The following SERINC2 variants were observed in gnomAD, a reference collection of about 807,000 sequenced individuals.
The protein encoded by SERINC2 is tumor differentially expressed protein 2.
SERINC2 carries 56 observed loss-of-function variants against 54.2 expected under a neutral mutation model. That is an observed-to-expected ratio of 1.03 (90% CI 0.83 to 1.29). SERINC2 has a LOEUF of 1.29. Ranked by LOEUF, SERINC2 falls within the 50% of genes most tolerant of loss-of-function variation. The pLI, the probability that SERINC2 is intolerant of heterozygous loss-of-function variation, is 0.00. For missense variants in SERINC2, 614 were observed against 607.4 expected, an observed-to-expected ratio of 1.01 and a Z score of -0.12; for synonymous variants, 272 against 253.1, an observed-to-expected ratio of 1.07 and a Z score of -0.71.
Position 31,429,463 on chromosome 1 carries a change from GC to G in SERINC2, c.939del (p.Tyr314MetfsTer34), listed in dbSNP as rs1557497701. On this transcript the variant is annotated frameshift_variant, in exon 8 of 10. Transcript: ENST00000373709. LOFTEE classifies it high-confidence loss of function. ...GAGACAGTTGTGGCAGGCCCCGAGG[GC>G]TATGAGACCCAGTGGTGGGATGCCC... The part of the protein sequence containing the change: ...GNETVVAGPE[G>X]YETQWWDAPS... 1 of 1,613,856 alleles carries G rather than the reference GC, an allele frequency of 6.2e-7. No homozygotes were observed.
intron 6 of SERINC2, among the ~76,000 whole-genome samples, chr1:31,428,683 G>A (rs191599636): frequency 8.7e-4 from 132 of 152,314 alleles, no homozygotes; most frequent in African/African-American, 3.1e-3. Flanking sequence ...AGAGCAGGGA[G>A]GAGGGGGACA....
chr1:31,433,141 G>A lies in SERINC2; in HGVS notation c.1188G>A (p.Val396=). The change falls in exon 9 of 10, where the codon GTG becomes GTA. Residue 396 remains valine, a synonymous_variant. Coordinates refer to ENST00000373709, the MANE Select transcript of SERINC2 (RefSeq NM_178865.5). ...ACTCCTTCTTCCACTTCTGCCTGGT[G>A]CTGGCCTCACTGCACGTCATGATGA... ...YSYSFFHFCL[V]LASLHVMMTL... 2 of 1,613,778 alleles carry A rather than the reference G, an allele frequency of 1.2e-6. No homozygotes were observed. The highest frequency in any genetic ancestry group is 2.2e-5 in the South Asian group (2 of 91,088).
chr1:31,433,042 A>ACAGCAG lies in SERINC2; in HGVS notation c.1099_1104dup (p.Gln367_Gln368dup), dbSNP rs3050461. 52 of 1,457,180 alleles carry ACAGCAG rather than the reference A, an allele frequency of 3.6e-5. No homozygotes were observed. Among genetic ancestry groups the ACAGCAG allele is most frequent in the South Asian group, 4.7e-5 (4 of 85,852 alleles). The allele number at this position is 1,457,180 out of a possible 1,614,324, so 90.3% of individuals were successfully genotyped here. A position where few individuals can be genotyped will look rare whatever the true frequency, so the allele number is the denominator to read the frequency against. On this transcript the variant is annotated inframe_insertion, in exon 9 of 10. Transcript: ENST00000373709. Reference sequence around the variant, plus strand: ...AGTGCCCACCTATGCTAGACGCCACACAGCAGCAGCAGCAGGTGGCAGCCT... The same window carrying ACAGCAG: ...AGTGCCCACCTATGCTAGACGCCACACAGCAGCAGCAGCAGCAGCAGGTGGCAGCCT...
chr1:31,413,834 G>T lies in SERINC2; in HGVS notation c.39+530G>T. The T allele has an allele frequency of 7.1e-7, 1 of 1,409,240 alleles. No individual in the cohort carries two copies. Among genetic ancestry groups the T allele is most frequent in the Non-Finnish European group, 9.2e-7 (1 of 1,088,102 alleles). The allele number at this position is 1,409,240 out of a possible 1,614,324, so 87.3% of individuals were successfully genotyped here. ...GTTCGTATTTGTCTGGTTCCTGTCT[G>T]TGTCCGTCGTTCGTCCGACTGTCTT... On this transcript the variant is annotated intron_variant, in intron 1 of 9. Coordinates refer to ENST00000373709, the MANE Select transcript of SERINC2 (RefSeq NM_178865.5). This position sits in a 1 kb window ranked among gnomAD's most constrained non-coding sequence, Gnocchi z 5.0.
chr1:31,434,156 C>G lies in SERINC2; in HGVS notation c.1325C>G (p.Thr442Ser). 1 of 1,613,834 alleles carries G rather than the reference C, an allele frequency of 6.2e-7. No individual in the cohort carries two copies. The highest frequency in any genetic ancestry group is 2.2e-5 in the East Asian group (1 of 44,880). Residue 442 changes from threonine to serine, a missense_variant, in exon 10 of 10, where the codon ACC (threonine) becomes AGC (serine). Physicochemically the swap from Thr to Ser is moderately conservative, Grantham distance 58 (BLOSUM62 1). Coordinates refer to ENST00000373709, the MANE Select transcript of SERINC2 (RefSeq NM_178865.5). ...GCAGGGCTGCTCCTCTACCTGTGGACCCTGGTAGCCCCACTCCTCCTGCGC... is the reference window on the plus strand; with the variant it reads ...GCAGGGCTGCTCCTCTACCTGTGGAGCCTGGTAGCCCCACTCCTCCTGCGC... ...SWAGLLLYLW[T>S]LVAPLLLRNR...
At position 31,425,515 on chromosome 1, in the gene SERINC2, G is replaced by T. The variant is rs547400922; in HGVS notation, c.472+106G>T. On this transcript the variant is annotated intron_variant, in intron 4 of 9. Transcript: ENST00000373709. ...TCTTTGCTGGGGCACACAGACCCCT[G>T]GCTGCTGGCTAGGTCCTCGCTCCCC... The T allele has an allele frequency of 2.1e-5, 20 of 968,302 alleles. No homozygotes were observed. The Admixed American group carries it at 3.5e-4, about 17-fold the overall frequency. The allele number at this position is 968,302 out of a possible 1,614,324, so 60.0% of individuals were successfully genotyped here. A position where few individuals can be genotyped will look rare whatever the true frequency, so the allele number is the denominator to read the frequency against.
At chr1:31,410,043 G>T, upstream of SERINC2, 1 of 966,112 alleles carries the variant, frequency 1.0e-6, no homozygotes, top group Non-Finnish European at 1.5e-6. Flanking sequence ...TGGGTGATGG[G>T]CACAGGGCAA....
chr1:31,414,944 T>A (rs1399632734), intron 1 of SERINC2, among the ~76,000 whole-genome samples: 1 of 152,176 alleles, frequency 6.6e-6, no homozygotes, highest in East Asian at 1.9e-4. Flanking sequence ...TGAGTGCTCC[T>A]TGTGGGAATT....
At position 31,426,677 on chromosome 1, in the gene SERINC2, T is replaced by G; in HGVS notation, c.634T>G (p.Phe212Val). The G allele has an allele frequency of 6.2e-7, 1 of 1,612,734 alleles. No homozygotes were observed. Among genetic ancestry groups the G allele is most frequent in the Non-Finnish European group, 8.5e-7 (1 of 1,178,896 alleles). Residue 212 changes from phenylalanine to valine, a missense_variant, in exon 6 of 10, where the codon TTC becomes GTC. By Grantham distance (50) the Phe-to-Val change is conservative. Transcript: ENST00000373709. The stretch of plus-strand genomic sequence containing the variant: ...AGGCCTCTTCTTCTTCACTCTCCTC[T>G]TCTACTTGCTGTCGATCGCGGCCGT... ...YAGLFFFTLL[F>V]YLLSIAAVAL...
Position 31,425,848 on chromosome 1 carries a change from C to A in SERINC2, c.545C>A (p.Ala182Glu), listed in dbSNP as rs148133354. The A allele has an allele frequency of 6.8e-6, 11 of 1,613,566 alleles. No homozygotes were observed. In the East Asian group the frequency reaches 2.0e-4, roughly 29 times the overall value. The change falls in exon 5 of 10, where the codon GCG (alanine) becomes GAG (glutamate). Residue 182 changes from alanine (A) to glutamate (E), a missense_variant. Transcript: ENST00000373709. ...CAGCTGGTGCTGCTCATCGACTTTG[C>A]GCACTCCTGGAACCAGCGGTGGCTG... ...LIQLVLLIDFAHSWNQRWLGK... is the reference protein window; with the variant it reads ...LIQLVLLIDFEHSWNQRWLGK...
intron 8 of SERINC2, among the ~76,000 whole-genome samples, chr1:31,431,819 TGGA>T (rs1553134526): frequency 9.9e-5 from 13 of 130,898 alleles, no homozygotes; most frequent in South Asian, 7.4e-4. Context: ...GTGGACAGGG[TGGA>T]TAGGGTGGAT....
At position 31,431,938 on chromosome 1, in the gene SERINC2, GTT is replaced by G. The variant is rs1553134605; in HGVS notation, c.1014-1028_1014-1027del. 4.1e-4 allele frequency among the ~76,000 whole-genome samples: 50 copies of G among 122,066 alleles called. 6 individuals are homozygous for G. The highest frequency in any genetic ancestry group is 8.3e-4 in the Admixed American group (10 of 12,034). 80.1% of individuals were successfully genotyped at this position (122,066 alleles called of 152,430 possible). ...TAGGGTGGTTAGGGTGGATAGGGTGGTTAGGGTGGTTAGGGTGGTTAGGGTGG... is the reference window on the plus strand; with the variant it reads ...TAGGGTGGTTAGGGTGGATAGGGTGGAGGGTGGTTAGGGTGGTTAGGGTGG... On this transcript the variant is annotated intron_variant, in intron 8 of 9. Coordinates refer to ENST00000373709, the MANE Select transcript of SERINC2 (RefSeq NM_178865.5).
intron 1 of SERINC2, chr1:31,414,228 G>A (rs1640719508): frequency 3.0e-6 from 4 of 1,349,392 alleles, no homozygotes; most frequent in Non-Finnish European, 3.8e-6. Context: ...GCTCCAGCAA[G>A]ACCCCGGCTG....
intron 8 of SERINC2, among the ~76,000 whole-genome samples, chr1:31,432,595 T>C (rs1300872375): frequency 6.6e-6 from 1 of 152,128 alleles, no homozygotes; most frequent in Non-Finnish European, 1.5e-5. Flanking sequence ...TCGATACGTG[T>C]TTATGGAAAT....
At chr1:31,425,239 T>C in intron 3 of SERINC2, 91 bp from the exon 4 acceptor site, 1 of 943,270 alleles carries the variant, frequency 1.1e-6, no homozygotes, top group Middle Eastern at 2.1e-4. Flanking sequence ...CTGCTGTTTG[T>C]GGGTGGGGGC....
Position 31,434,583 on chromosome 1 carries a change from G to A in SERINC2, c.*384G>A, listed in dbSNP as rs1553135459. 5 of 237,420 alleles carry A rather than the reference G, an allele frequency of 2.1e-5. No homozygotes were observed. Among genetic ancestry groups the A allele is most frequent in the Admixed American group, 1.0e-4 (2 of 19,832 alleles). The allele number at this position is 237,420 out of a possible 1,614,324, so 14.7% of individuals were successfully genotyped here. ...CCGGCACTGAAGCCCTGGTGTTCCT[G>A]GTCACGTCCCCCAGGGGACCCTGCC... On this transcript the variant is annotated 3_prime_UTR_variant, in exon 10 of 10. Coordinates refer to ENST00000373709, the MANE Select transcript of SERINC2 (RefSeq NM_178865.5).
In SERINC2 at chr1:31,417,852, C is replaced by CTTTTTTTTT. The variant is rs3050463; in HGVS notation, c.39+4562_39+4570dup. On this transcript the variant is annotated intron_variant, in intron 1 of 9. Transcript: ENST00000373709. ...TTATAGCATGTGTCAAAATTTCATT[C>CTTTTTTTTT]TTTTTTTTTTTTTTTTTTTTTTGAG... Among the ~76,000 whole-genome samples, 222 of 95,718 alleles carry CTTTTTTTTT rather than the reference C, an allele frequency of 2.3e-3. 11 individuals are homozygous for CTTTTTTTTT. Among genetic ancestry groups the CTTTTTTTTT allele is most frequent in the East Asian group, 5.3e-3 (15 of 2,836 alleles). 62.8% of individuals were successfully genotyped at this position (95,718 alleles called of 152,430 possible).
intron 1 of SERINC2, among the ~76,000 whole-genome samples, chr1:31,418,385 A>G (rs1181946810): frequency 6.6e-6 from 1 of 151,382 alleles, no homozygotes; most frequent in African/African-American, 2.4e-5. Flanking sequence ...ATTTTATTTT[A>G]TTAAATTTTG....
At chr1:31,426,022 A>G (rs1641033072) in intron 5 of SERINC2, 109 bp downstream of exon 5, 2 of 1,155,826 alleles carry the variant, frequency 1.7e-6, no homozygotes, top group Admixed American at 2.2e-5. Context: ...GGGCATCCCT[A>G]GCAGCCACTG....
Sources: allele counts gnomAD v4.1 joint callset (sites outside exome capture counted in the v4.1 genomes callset), GRCh38; gene constraint gnomAD v4.1.1; non-coding constraint Gnocchi (gnomAD v3.1); transcripts MANE v1.5; gene names NCBI Gene and HGNC (gene_info 2026-07-23, HGNC 2026-07-21).